Variants in ZNF469 observed in about 807,000 individuals in gnomAD.
ZNF469 encodes zinc finger protein 469.
Under a neutral mutation model 1.0 loss-of-function variants are expected in ZNF469, and 1 was observed. That is an observed-to-expected ratio of 1.00 (90% CI 0.35 to 4.73). The LOEUF is 4.73. Ranked by LOEUF, ZNF469 falls within the 30% of genes most tolerant of loss-of-function variation. The pLI, the probability that ZNF469 is intolerant of heterozygous loss-of-function variation, is 0.16. For synonymous variants in ZNF469, 2,703 were observed against 2,363.4 expected, an observed-to-expected ratio of 1.14 and a Z score of -4.17; for missense variants, 6,100 against 5,356.3, an observed-to-expected ratio of 1.14 and a Z score of -4.33.
chr16:88,263,479 G>A, the ZNF469 span, among the ~76,000 whole-genome samples: 3 of 152,184 alleles, frequency 2.0e-5, no homozygotes, highest in East Asian at 5.8e-4. Flanking sequence ...CTGTGCCAAC[G>A]TGTGCGGGGC....
chr16:88,316,241 T>A, the ZNF469 span, among the ~76,000 whole-genome samples: 1 of 152,224 alleles, frequency 6.6e-6, no homozygotes. Context: ...TCCAGGAATC[T>A]GGACGTACCT....
At chr16:88,287,995 A>G in the ZNF469 span, among the ~76,000 whole-genome samples, 2 of 151,992 alleles carry the variant, frequency 1.3e-5, no homozygotes, top group Non-Finnish European at 2.9e-5. Flanking sequence ...ATTCAATCCC[A>G]AACTCACTCC....
At chr16:88,360,755 C>A in the ZNF469 span, among the ~76,000 whole-genome samples, 1 of 139,266 alleles carries the variant, frequency 7.2e-6, no homozygotes, top group Admixed American at 7.2e-5. Flanking sequence ...GGCAGTCCAC[C>A]CCCAGACAGC....
the ZNF469 span, among the ~76,000 whole-genome samples, chr16:88,120,025 CCA>C: frequency 6.6e-6 from 1 of 152,148 alleles, no homozygotes; most frequent in East Asian, 1.9e-4. Context: ...GGATGGGGAA[CCA>C]CACACAACCA....
At chr16:88,362,272 G>A in the ZNF469 span, among the ~76,000 whole-genome samples, 26 of 152,114 alleles carry the variant, frequency 1.7e-4, no homozygotes, top group South Asian at 2.1e-4. Context: ...TTTTTGCATA[G>A]AATGTCAAAA....
chr16:88,422,972 A>G (rs1330141021), intron 1 of ZNF469, among the ~76,000 whole-genome samples: 4 of 137,088 alleles, frequency 2.9e-5, no homozygotes, highest in Non-Finnish European at 4.7e-5. Context: ...TGGATGGATT[A>G]ATGGATGGAT....
At chr16:88,176,951 G>A in the ZNF469 span, among the ~76,000 whole-genome samples, 7 of 152,252 alleles carry the variant, frequency 4.6e-5, no homozygotes, top group African/African-American at 1.2e-4. Context: ...GGCGTAGCTC[G>A]TGTGTCTGTG....
At chr16:88,263,618 G>A in the ZNF469 span, among the ~76,000 whole-genome samples, 1 of 152,178 alleles carries the variant, frequency 6.6e-6, no homozygotes, top group East Asian at 1.9e-4. Flanking sequence ...TTGCTGAGAG[G>A]CTCAGAAGGG....
chr16:88,347,684 C>T, the ZNF469 span, among the ~76,000 whole-genome samples: 2 of 152,362 alleles, frequency 1.3e-5, no homozygotes, highest in East Asian at 3.9e-4. Context: ...CCAGTCTCCT[C>T]CAATCACAGT....
chr16:88,113,673 G>C, the ZNF469 span, among the ~76,000 whole-genome samples: 1 of 152,228 alleles, frequency 6.6e-6, no homozygotes, highest in Admixed American at 6.5e-5. Flanking sequence ...TCGTAGGTCA[G>C]GTCTGGCCTG....
rs1372490515 is a variant in ZNF469 at position 88,430,755 on chromosome 16, C to G, written c.3285C>G (p.Ala1095=). 1 of 1,509,162 alleles carries G rather than the reference C, an allele frequency of 6.6e-7. No individual in the cohort carries two copies. Among genetic ancestry groups the G allele is most frequent in the Non-Finnish European group, 8.8e-7 (1 of 1,135,872 alleles). The allele number at this position is 1,509,162 out of a possible 1,614,324, so 93.5% of individuals were successfully genotyped here. The change falls in exon 3 of 3, where the codon GCC becomes GCG. Residue 1095 remains alanine, a synonymous_variant. Coordinates refer to ENST00000565624, the MANE Select transcript of ZNF469 (RefSeq NM_001367624.2). The part of the protein sequence containing the change: ...EDRRLREYDF[A]SESEEDEQPP... The stretch of plus-strand genomic sequence containing the variant: ...GCAGGCTCCGCGAGTACGACTTCGC[C>G]TCGGAGTCCGAGGAGGACGAGCAGC...
At chr16:88,304,407 G>C in the ZNF469 span, among the ~76,000 whole-genome samples, 12 of 152,336 alleles carry the variant, frequency 7.9e-5, no homozygotes, top group African/African-American at 2.6e-4. Flanking sequence ...ACTGAGAAGG[G>C]CCAGGACAGA....
At chr16:88,402,034 AGATG>A (rs1313594596) in intron 1 of ZNF469, among the ~76,000 whole-genome samples, 1 of 141,016 alleles carries the variant, frequency 7.1e-6, no homozygotes, top group Non-Finnish European at 1.5e-5. Context: ...GTGGATGGGT[AGATG>A]GATGGGTGAG....
the ZNF469 span, among the ~76,000 whole-genome samples, chr16:88,204,634 A>C: frequency 6.6e-6 from 1 of 152,258 alleles, no homozygotes; most frequent in Non-Finnish European, 1.5e-5. Context: ...GCCAGAATGC[A>C]GGAGGACCCT....
chr16:88,432,620 C>T lies in ZNF469; in HGVS notation c.5150C>T (p.Pro1717Leu), dbSNP rs544832628. 13 of 1,550,440 alleles carry T rather than the reference C, an allele frequency of 8.4e-6. No individual in the cohort carries two copies. In the South Asian group the frequency reaches 1.4e-4, roughly 17 times the overall value. Residue 1717 changes from proline (P) to leucine (L), a missense_variant, in exon 3 of 3, where the codon CCC becomes CTC. Physicochemically the swap from Pro to Leu is moderately conservative, Grantham distance 98. Coordinates refer to ENST00000565624, the MANE Select transcript of ZNF469 (RefSeq NM_001367624.2). Reference sequence around the variant, plus strand: ...CAGGCAGAAGGAGACAGCAGGCCCCCCCAAGATGTCTGCCTGCCTGAGCCC... The same window carrying T: ...CAGGCAGAAGGAGACAGCAGGCCCCTCCAAGATGTCTGCCTGCCTGAGCCC... The part of the protein sequence containing the change: ...LCQAEGDSRP[P>L]QDVCLPEPSK...
intron 1 of ZNF469, among the ~76,000 whole-genome samples, chr16:88,415,460 C>T (rs543862944): frequency 6.6e-6 from 1 of 152,330 alleles, no homozygotes; most frequent in African/African-American, 2.4e-5. Flanking sequence ...GCCTGTGCTG[C>T]GGGGGGCAGT....
the ZNF469 span, among the ~76,000 whole-genome samples, chr16:88,266,430 C>G: frequency 1.3e-5 from 2 of 152,232 alleles, no homozygotes; most frequent in African/African-American, 4.8e-5. Flanking sequence ...GAACCAGGAG[C>G]AGGGAAGGTC....
chr16:88,351,322 G>C, the ZNF469 span, among the ~76,000 whole-genome samples: 1 of 152,318 alleles, frequency 6.6e-6, no homozygotes, highest in East Asian at 1.9e-4. Context: ...TTAAATGCTG[G>C]GAGTTTCTGA....
the ZNF469 span, among the ~76,000 whole-genome samples, chr16:88,358,725 T>A: frequency 6.6e-6 from 1 of 152,244 alleles, no homozygotes; most frequent in South Asian, 2.1e-4. Context: ...TTTTTTTTAA[T>A]TTTTATTTTT....
Sources: gnomAD v4.1 joint callset for allele counts (sites outside exome capture counted in the v4.1 genomes callset) on GRCh38, gnomAD v4.1.1 for gene constraint, MANE v1.5 for transcripts, NCBI Gene and HGNC (gene_info 2026-07-23, HGNC 2026-07-21) for gene names.